APPL2: variants seen among roughly 807,000 people sequenced by gnomAD.
The protein encoded by APPL2 is adaptor protein, phosphotyrosine interacting with PH domain and leucine zipper 2.
In APPL2, 84 loss-of-function variants were observed where a neutral mutation model predicts 92.7. The observed-to-expected ratio is 0.91, with a 90% CI of 0.76 to 1.09. The LOEUF is 1.09. Ranked by LOEUF, APPL2 falls within the 50% of genes least tolerant of loss-of-function variation. The probability of loss-of-function intolerance (pLI) is 0.00; values close to 1 mark genes in which losing one functional copy is unlikely to be tolerated. For missense variants in APPL2, 736 were observed against 824.5 expected (o/e 0.89, Z 1.31); for synonymous variants, 291 against 291.0 (o/e 1.00, Z 0.00).
chr12:105,199,822 T>A (rs543246322), intron 9 of APPL2, among the ~76,000 whole-genome samples: 80 of 152,036 alleles, frequency 5.3e-4, no homozygotes, highest in Middle Eastern at 3.4e-3. Context: ...TTTTTGTTGT[T>A]TTTATTTTTT....
At chr12:105,227,466 C>T (rs1386544036) in intron 2 of APPL2, among the ~76,000 whole-genome samples, 2 of 152,234 alleles carry the variant, frequency 1.3e-5, no homozygotes, top group Non-Finnish European at 2.9e-5. Context: ...ATCCCCATGA[C>T]AGATATGCAC....
intron 17 of APPL2, among the ~76,000 whole-genome samples, chr12:105,186,961 C>G (rs1322646785): frequency 6.6e-6 from 1 of 151,746 alleles, no homozygotes; most frequent in Non-Finnish European, 1.5e-5. Context: ...TATAAGAGTT[C>G]TTTGTATATT....
At chr12:105,232,319 C>T (rs531963309) in intron 1 of APPL2, among the ~76,000 whole-genome samples, 52 of 152,266 alleles carry the variant, frequency 3.4e-4, no homozygotes, top group African/African-American at 1.2e-3. Flanking sequence ...AGCCTCAGCT[C>T]CCTATCACTC....
At chr12:105,211,414 G>GA in intron 4 of APPL2, 97 bp from the exon 5 acceptor site, 2 of 866,726 alleles carry the variant, frequency 2.3e-6, no homozygotes, top group East Asian at 2.7e-5. Flanking sequence ...ACTTCCGTGT[G>GA]GTCACAGAGC....
intron 14 of APPL2, among the ~76,000 whole-genome samples, chr12:105,192,676 T>C (rs1247027090): frequency 6.6e-6 from 1 of 152,214 alleles, no homozygotes; most frequent in Non-Finnish European, 1.5e-5. Context: ...TGCACAGGTC[T>C]CCTCTTCACC....
chr12:105,180,747 T>G (rs932162404), intron 17 of APPL2, among the ~76,000 whole-genome samples: 1 of 152,226 alleles, frequency 6.6e-6, no homozygotes, highest in African/African-American at 2.4e-5. Context: ...GGGAGTTCAC[T>G]CATGATTTGG....
At chr12:105,204,164 T>C (rs570169500) in intron 8 of APPL2, among the ~76,000 whole-genome samples, 4 of 152,322 alleles carry the variant, frequency 2.6e-5, no homozygotes, top group African/African-American at 9.6e-5. Flanking sequence ...TGCATTCTTC[T>C]ACAGCCATGA....
chr12:105,192,224 C>A (rs1030283500), intron 14 of APPL2, among the ~76,000 whole-genome samples: 1 of 152,172 alleles, frequency 6.6e-6, no homozygotes, highest in African/African-American at 2.4e-5. Flanking sequence ...AGTCCACATC[C>A]ATCTACTTTT....
At chr12:105,194,708 A>T (rs180789349) in intron 14 of APPL2, among the ~76,000 whole-genome samples, 181 of 152,208 alleles carry the variant, frequency 1.2e-3, no homozygotes, top group African/African-American at 4.2e-3. Context: ...TTAAAAAATA[A>T]GTAAGTAAAA....
Position 105,186,611 on chromosome 12 carries a change from T to TATATGATATATATGATATCG in APPL2, c.1634+1661_1634+1662insCGATATCATATATATCATAT, listed in dbSNP as rs1285380258. On this transcript the variant is annotated intron_variant, in intron 17 of 20. Transcript: ENST00000258530. ...AAACGCTTATTTTCCATTAAATATA[T>TATATGATATATATGATATCG]ATATCATATATATATCATATATATC... 3.1e-4 allele frequency among the ~76,000 whole-genome samples: 33 copies of TATATGATATATATGATATCG among 105,034 alleles called. 1 individual carries two copies. Among genetic ancestry groups the TATATGATATATATGATATCG allele is most frequent in the African/African-American group, 1.0e-3 (32 of 30,748 alleles). 68.9% of individuals were successfully genotyped at this position (105,034 alleles called of 152,430 possible). A position where few individuals can be genotyped will look rare whatever the true frequency, so the allele number is the denominator to read the frequency against.
At chr12:105,182,570 A>G (rs1010851941) in intron 17 of APPL2, among the ~76,000 whole-genome samples, 6 of 152,298 alleles carry the variant, frequency 3.9e-5, no homozygotes, top group African/African-American at 1.2e-4. Context: ...GCAGTTTTGA[A>G]TGACTTTCTT....
At chr12:105,192,963 T>TC (rs113436517) in intron 14 of APPL2, among the ~76,000 whole-genome samples, 573 of 151,258 alleles carry the variant, frequency 3.8e-3, no homozygotes, top group African/African-American at 5.2e-3. Flanking sequence ...TCTGATTCTT[T>TC]CCCCCCCCAC....
intron 10 of APPL2, among the ~76,000 whole-genome samples, chr12:105,198,359 T>C (rs1054013368): frequency 1.3e-5 from 2 of 152,318 alleles, no homozygotes; most frequent in Non-Finnish European, 2.9e-5. Context: ...CCCATAGTCC[T>C]AGGAGGCTCT....
At chr12:105,174,634 T>C (rs1468797617) in intron 20 of APPL2, among the ~76,000 whole-genome samples, 186 bp from the exon 21 acceptor site, 2 of 152,194 alleles carry the variant, frequency 1.3e-5, no homozygotes, top group Admixed American at 1.3e-4. Context: ...TCTAGACTGT[T>C]TTCCTCTGAG....
Position 105,174,135 on chromosome 12 carries a change from G to C in APPL2, c.*179C>G, listed in dbSNP as rs532891730. On this transcript the variant is annotated 3_prime_UTR_variant, in exon 21 of 21. Coordinates refer to ENST00000258530, the MANE Select transcript of APPL2 (RefSeq NM_018171.5). ...AATAACATTGTAGATGGGTGGGAAC[G>C]CTGTCAACCATTTCTTAGTTTCCCT... The C allele has an allele frequency of 3.0e-6, 2 of 674,830 alleles. No individual in the cohort carries two copies. The highest frequency in any genetic ancestry group is 1.9e-5 in the African/African-American group (1 of 53,840). The allele number at this position is 674,830 out of a possible 1,614,324, so 41.8% of individuals were successfully genotyped here. A position where few individuals can be genotyped will look rare whatever the true frequency, so the allele number is the denominator to read the frequency against.
intron 17 of APPL2, among the ~76,000 whole-genome samples, chr12:105,178,990 T>C (rs1885833888): frequency 6.6e-6 from 1 of 152,178 alleles, no homozygotes; most frequent in African/African-American, 2.4e-5. Flanking sequence ...AGATTTCTCT[T>C]TTTTTATTAT....
intron 2 of APPL2, among the ~76,000 whole-genome samples, chr12:105,228,682 C>T (rs1003241688): frequency 6.6e-6 from 1 of 152,174 alleles, no homozygotes; most frequent in African/African-American, 2.4e-5. Flanking sequence ...AAAGAAGCCA[C>T]CCGATAGTTT....
intron 1 of APPL2, among the ~76,000 whole-genome samples, chr12:105,234,534 G>A (rs1488204287): frequency 6.6e-6 from 1 of 152,206 alleles, no homozygotes. Context: ...CTGTTTGTGA[G>A]GACAACATCA....
chr12:105,183,070 CTTTTTTT>C lies in APPL2; in HGVS notation c.1634+5196_1634+5202del, dbSNP rs56345779. On this transcript the variant is annotated intron_variant, in intron 17 of 20. Transcript: ENST00000258530. ...TCAGAGACTAGGATTGCAACCCCTG[CTTTTTTT>C]TTTTTTTTTTTTTTTGCTTTCCATT... Among the ~76,000 whole-genome samples, 133 of 88,402 alleles carry C rather than the reference CTTTTTTT, an allele frequency of 1.5e-3. 1 individual carries two copies. The highest frequency in any genetic ancestry group is 7.3e-3 in the South Asian group (16 of 2,184). 58.0% of individuals were successfully genotyped at this position (88,402 alleles called of 152,430 possible).
Sources: allele counts gnomAD v4.1 joint callset (sites outside exome capture counted in the v4.1 genomes callset), GRCh38; gene constraint gnomAD v4.1.1; transcripts MANE v1.5; gene names NCBI Gene and HGNC (gene_info 2026-07-23, HGNC 2026-07-21).